Variants in CDH7 observed in about 807,000 individuals in gnomAD.
CDH7 encodes cadherin-7.
In CDH7, 25 loss-of-function variants were observed where a neutral mutation model predicts 71.8. That is an observed-to-expected ratio of 0.35 (90% CI 0.25 to 0.49). The LOEUF (loss-of-function observed/expected upper bound fraction) is 0.49, where lower values mean the gene tolerates loss of function less well. Among genes scored for constraint, CDH7 ranks in the 20% least tolerant of loss-of-function variants. The probability of loss-of-function intolerance (pLI) is 0.99; values close to 1 mark genes in which losing one functional copy is unlikely to be tolerated. For missense variants in CDH7, 862 were observed against 974.6 expected (o/e 0.88, Z 1.54); for synonymous variants, 381 against 363.8 (o/e 1.05, Z -0.54).
chr18:65,824,495 A>G (rs1271089901), intron 5 of CDH7, 149 bp from the exon 6 acceptor site: 4 of 451,166 alleles, frequency 8.9e-6, no homozygotes, highest in Non-Finnish European at 1.2e-5. Context: ...GCTCTATGAA[A>G]CTCATCTTTT....
chr18:65,831,389 G>A (rs992415823), intron 6 of CDH7, among the ~76,000 whole-genome samples: 14 of 152,060 alleles, frequency 9.2e-5, no homozygotes, highest in African/African-American at 2.9e-4. Context: ...AGGCTTTACC[G>A]CCAAATCCAA....
chr18:65,833,554 A>T (rs1912427397), intron 6 of CDH7, among the ~76,000 whole-genome samples: 1 of 152,168 alleles, frequency 6.6e-6, no homozygotes, highest in African/African-American at 2.4e-5. Context: ...GGCCGAGATA[A>T]TTTGGTGAGC....
intron 2 of CDH7, among the ~76,000 whole-genome samples, chr18:65,807,718 T>A (rs1219404286): frequency 6.6e-6 from 1 of 152,088 alleles, no homozygotes; most frequent in Non-Finnish European, 1.5e-5. Flanking sequence ...GTCTTGGGAG[T>A]CAAGTCTTTT....
At chr18:65,827,683 T>A (rs913784653) in intron 6 of CDH7, among the ~76,000 whole-genome samples, 3 of 151,956 alleles carry the variant, frequency 2.0e-5, no homozygotes, top group Non-Finnish European at 4.4e-5. Context: ...ATCTGATTTT[T>A]AAATTTTATC....
intron 2 of CDH7, among the ~76,000 whole-genome samples, chr18:65,764,334 T>C (rs1020348830): frequency 5.3e-5 from 8 of 152,220 alleles, no homozygotes; most frequent in Admixed American, 2.6e-4. Flanking sequence ...TAAAGGTTTC[T>C]AGGGATGTGA....
At chr18:65,855,999 GA>G (rs141064368) in intron 7 of CDH7, among the ~76,000 whole-genome samples, 9,675 of 147,412 alleles carry the variant, frequency 0.066, 368 homozygotes, top group Middle Eastern at 0.081. Context: ...CAGATCAATT[GA>G]AAAAAAAAAT....
chr18:65,834,280 T>C (rs1233525057), intron 6 of CDH7, among the ~76,000 whole-genome samples: 1 of 152,180 alleles, frequency 6.6e-6, no homozygotes, highest in African/African-American at 2.4e-5. Context: ...TTTGGTGCAC[T>C]GTAATAGCAA....
At chr18:65,754,017 A>G (rs1915958892) in intron 1 of CDH7, among the ~76,000 whole-genome samples, 1 of 152,218 alleles carries the variant, frequency 6.6e-6, no homozygotes, top group South Asian at 2.1e-4. Context: ...TAAAAATTAT[A>G]GTTGATACAG....
At chr18:65,780,535 T>C (rs558563585) in intron 2 of CDH7, among the ~76,000 whole-genome samples, 2 of 138,894 alleles carry the variant, frequency 1.4e-5, no homozygotes, top group African/African-American at 5.6e-5. Flanking sequence ...CTAGCCAGTT[T>C]TCCCAGCACC....
chr18:65,793,539 A>G (rs1157085260), intron 2 of CDH7, among the ~76,000 whole-genome samples: 1 of 152,172 alleles, frequency 6.6e-6, no homozygotes, highest in Non-Finnish European at 1.5e-5. Context: ...GTAAAACAAT[A>G]TTATCACAGC....
chr18:65,858,778 G>T, intron 8 of CDH7, 147 bp from the exon 9 acceptor site: 1 of 625,022 alleles, frequency 1.6e-6, no homozygotes, highest in Non-Finnish European at 2.8e-6. Context: ...GTGTGTATTT[G>T]GATCATATTT....
chr18:65,848,030 A>G (rs556431956), intron 7 of CDH7, among the ~76,000 whole-genome samples: 2 of 152,042 alleles, frequency 1.3e-5, no homozygotes, highest in Admixed American at 6.6e-5. Flanking sequence ...CCGGCTTGTT[A>G]TTTGATAAGT....
At chr18:65,837,662 C>A (rs1568212263) in intron 6 of CDH7, among the ~76,000 whole-genome samples, 3 of 151,928 alleles carry the variant, frequency 2.0e-5, no homozygotes, top group Non-Finnish European at 4.4e-5. Flanking sequence ...AGGTCAGGGG[C>A]CTAAAATTAG....
At chr18:65,846,779 A>G (rs1284774538) in intron 7 of CDH7, among the ~76,000 whole-genome samples, 1 of 152,196 alleles carries the variant, frequency 6.6e-6, no homozygotes, top group Non-Finnish European at 1.5e-5. Flanking sequence ...ATTAGCCAGC[A>G]AAAAGGAAAA....
intron 11 of CDH7, among the ~76,000 whole-genome samples, chr18:65,871,676 C>T (rs1003842024): frequency 2.0e-5 from 3 of 152,124 alleles, no homozygotes; most frequent in Admixed American, 6.5e-5. Context: ...ATCAGAGGAA[C>T]GTTAATGAGA....
chr18:65,880,327 A>C, intron 11 of CDH7, 74 bp from the exon 12 acceptor site: 2 of 1,428,876 alleles, frequency 1.4e-6, no homozygotes, highest in Non-Finnish European at 1.9e-6. Context: ...TCAGCGTCCT[A>C]GGCCTAATTT....
chr18:65,846,356 G>A (rs1439408749), intron 7 of CDH7, among the ~76,000 whole-genome samples: 1 of 151,956 alleles, frequency 6.6e-6, no homozygotes, highest in Non-Finnish European at 1.5e-5. Flanking sequence ...AAGTAATGAC[G>A]GTGACCTGAA....
chr18:65,830,026 A>G (rs1448640587), intron 6 of CDH7, among the ~76,000 whole-genome samples: 2 of 152,178 alleles, frequency 1.3e-5, no homozygotes, highest in Non-Finnish European at 2.9e-5. Flanking sequence ...GCCCTGGGGA[A>G]GAAGTTGAAT....
intron 8 of CDH7, among the ~76,000 whole-genome samples, chr18:65,858,701 C>T (rs1043543014): frequency 6.6e-6 from 1 of 151,512 alleles, no homozygotes; most frequent in Admixed American, 6.6e-5. Flanking sequence ...TACACATATA[C>T]GTATATACAT....
Sources: allele counts gnomAD v4.1 joint callset (sites outside exome capture counted in the v4.1 genomes callset), GRCh38; gene constraint gnomAD v4.1.1; transcripts MANE v1.5; gene names NCBI Gene and HGNC (gene_info 2026-07-23, HGNC 2026-07-21).